TTC34: variants seen among roughly 807,000 people sequenced by gnomAD.
TTC34 encodes tetratricopeptide repeat protein 34.
In TTC34, 44 loss-of-function variants were observed where a neutral mutation model predicts 40.7. The observed-to-expected ratio is 1.08, with a 90% CI of 0.85 to 1.39. TTC34 has a LOEUF of 1.39. Ranked by LOEUF, TTC34 falls within the 40% of genes most tolerant of loss-of-function variation. The probability of loss-of-function intolerance (pLI) is 0.00; values close to 1 mark genes in which losing one functional copy is unlikely to be tolerated. For missense variants in TTC34, 884 were observed against 838.0 expected (o/e 1.05, Z -0.68); for synonymous variants, 422 against 398.6 (o/e 1.06, Z -0.70).
intron 6 of TTC34, among the ~76,000 whole-genome samples, chr1:2,765,708 ATG>A (rs1641767527): frequency 6.1e-4 from 18 of 29,502 alleles, no homozygotes; most frequent in South Asian, 4.0e-3. Flanking sequence ...CTGGAGCAGC[ATG>A]CACACCCCCA....
At position 2,645,303 on chromosome 1, in the gene TTC34, G is replaced by A. The variant is rs1241852445; in HGVS notation, c.2487C>T (p.Leu829=). 6.7e-7 allele frequency: 1 copy of A among 1,493,764 alleles called. No individual in the cohort carries two copies. The highest frequency in any genetic ancestry group is 8.9e-7 in the Non-Finnish European group (1 of 1,124,014). The allele number at this position is 1,493,764 out of a possible 1,614,324, so 92.5% of individuals were successfully genotyped here. A position where few individuals can be genotyped will look rare whatever the true frequency, so the allele number is the denominator to read the frequency against. Residue 829 remains leucine (L), a synonymous_variant, in exon 7 of 9, where the codon CTC becomes CTT. Transcript: ENST00000401095. This position sits in a 1 kb window ranked among gnomAD's most constrained non-coding sequence, Gnocchi z 4.7. ...GGGGCCGCCGCATACCCTGTGCCAT[G>A]AGAATGTCTGCCAGGAGGAGGTGCC...
exon 9 of TTC34, chr1:2,639,049 C>G (rs947901697): frequency 5.3e-5 from 8 of 152,246 alleles, no homozygotes; most frequent in South Asian, 2.1e-4. Context: ...CTTGGGAGAA[C>G]TCTGGGGTCT....
chr1:2,795,134 C>T (rs898119113), intron 2 of TTC34, among the ~76,000 whole-genome samples: 5 of 152,030 alleles, frequency 3.3e-5, no homozygotes, highest in African/African-American at 9.7e-5. Context: ...ACCTATAGTC[C>T]CAGCTACTTG....
chr1:2,651,045 A>G (rs983857033), intron 6 of TTC34, among the ~76,000 whole-genome samples: 1 of 148,040 alleles, frequency 6.8e-6, no homozygotes, highest in Non-Finnish European at 1.5e-5. Flanking sequence ...GGGGCATCTG[A>G]CAGCCTAGAA....
At chr1:2,754,002 A>G (rs1380937971) in intron 6 of TTC34, among the ~76,000 whole-genome samples, 1 of 33,642 alleles carries the variant, frequency 3.0e-5, no homozygotes, top group African/African-American at 2.5e-4. Flanking sequence ...CTGTACGCAC[A>G]GAGCAGCACC....
intron 6 of TTC34, among the ~76,000 whole-genome samples, chr1:2,660,828 A>T (rs1366391105): frequency 2.1e-3 from 18 of 8,406 alleles, no homozygotes; most frequent in Non-Finnish European, 2.7e-3. Context: ...AACAGCACCC[A>T]CATCCCCAGG....
Position 2,752,716 on chromosome 1 carries a change from T to C in TTC34, c.2226+30893A>G, listed in dbSNP as rs1406781138. 1.2e-4 allele frequency among the ~76,000 whole-genome samples: 16 copies of C among 131,518 alleles called. 3 individuals are homozygous for C. The highest frequency in any genetic ancestry group is 4.6e-4 in the African/African-American group (15 of 32,526). The allele number at this position is 131,518 out of a possible 152,430, so 86.3% of individuals were successfully genotyped here. On this transcript the variant is annotated intron_variant, in intron 6 of 8. Coordinates refer to ENST00000401095, the Ensembl canonical transcript of TTC34. ...ACGCCCAGATGAGCATCTGACAGCA[T>C]GGAACAGCACCCTGCACCCCCAGGA... is the stretch of plus-strand genomic sequence containing the variant.
chr1:2,693,704 C>A (rs1180474061), intron 6 of TTC34, among the ~76,000 whole-genome samples: 1 of 70,898 alleles, frequency 1.4e-5, no homozygotes, highest in East Asian at 3.4e-4. Context: ...GGAGCACCCA[C>A]ACCCCCAGGC....
rs1333911284 is a variant in TTC34, at chr1:2,675,166, G to A, written c.2227-29603C>T. On this transcript the variant is annotated intron_variant, in intron 6 of 8. Coordinates refer to ENST00000401095, the Ensembl canonical transcript of TTC34. ...GCCCGTAGCAGCACCCACACCCCCA[G>A]GGGAGCATCTGACATCCTGGAGCAG... is the stretch of plus-strand genomic sequence containing the variant. 6.0e-4 allele frequency among the ~76,000 whole-genome samples: 88 copies of A among 146,314 alleles called. 2 individuals carry two copies. The highest frequency in any genetic ancestry group is 9.7e-4 in the Non-Finnish European group (64 of 66,044).
At chr1:2,790,150 C>T (rs1569970262) in exon 3 of TTC34, 7 of 398,268 alleles carry the variant, frequency 1.8e-5, no homozygotes, top group Non-Finnish European at 2.7e-5. Flanking sequence ...GGGCGAAGCC[C>T]ACGTCCGCGG....
At chr1:2,759,685 G>GTGAGCATGTAA (rs1641628899) in intron 6 of TTC34, among the ~76,000 whole-genome samples, 1 of 142,836 alleles carries the variant, frequency 7.0e-6, no homozygotes, top group Non-Finnish European at 1.5e-5. Context: ...ACAACCCCAG[G>GTGAGCATGTAA]CTTGCATCCG....
At chr1:2,655,016 C>T (rs79751248) in intron 6 of TTC34, among the ~76,000 whole-genome samples, 1,904 of 130,762 alleles carry the variant, frequency 0.015, no homozygotes, top group South Asian at 0.041. Context: ...CTCACAACCC[C>T]AGGTGAGCAT....
chr1:2,748,825 C>A (rs1169073726), intron 6 of TTC34, among the ~76,000 whole-genome samples: 1 of 4,782 alleles, frequency 2.1e-4, no homozygotes. Context: ...CTGACAGCCT[C>A]GGTCGGCACC....
chr1:2,645,329 A>G lies in TTC34; in HGVS notation c.2461T>C (p.Trp821Arg), dbSNP rs1638997911. 2 of 1,514,794 alleles carry G rather than the reference A, an allele frequency of 1.3e-6. No individual in the cohort carries two copies. The highest frequency in any genetic ancestry group is 1.8e-6 in the Non-Finnish European group (2 of 1,134,186). The allele number at this position is 1,514,794 out of a possible 1,614,324, so 93.8% of individuals were successfully genotyped here. A position where few individuals can be genotyped will look rare whatever the true frequency, so the allele number is the denominator to read the frequency against. ...AGAATGTCTGCCAGGAGGAGGTGCC[A>G]GTGCGGTTGCCCTGAGTCGATTTTG... The change falls in exon 7 of 9, where the codon TGG becomes CGG. Residue 821 changes from tryptophan to arginine, a missense_variant. Trp to Arg is a moderately radical substitution (Grantham distance 101). Coordinates refer to ENST00000401095, the Ensembl canonical transcript of TTC34. This position sits in a 1 kb window ranked among gnomAD's most constrained non-coding sequence, Gnocchi z 4.7.
chr1:2,797,362 G>A (rs1251963062), intron 2 of TTC34, among the ~76,000 whole-genome samples: 1 of 152,174 alleles, frequency 6.6e-6, no homozygotes, highest in Non-Finnish European at 1.5e-5. Flanking sequence ...GGACACTCAC[G>A]CCAGGGAGGT....
chr1:2,683,952 A>C (rs1284529374), intron 6 of TTC34, among the ~76,000 whole-genome samples: 3 of 135,522 alleles, frequency 2.2e-5, no homozygotes, highest in African/African-American at 8.9e-5. Flanking sequence ...CAGTACCCAC[A>C]CCCACAGTTG....
intron 6 of TTC34, among the ~76,000 whole-genome samples, chr1:2,685,924 A>T (rs1463994163): frequency 6.4e-5 from 7 of 109,046 alleles, no homozygotes; most frequent in African/African-American, 4.3e-5. Context: ...GCACACCCCC[A>T]GGTGAGCATG....
At position 2,645,556 on chromosome 1, in the gene TTC34, A is replaced by T. The variant is rs946383713; in HGVS notation, c.2234T>A (p.Val745Glu). 6 of 574,724 alleles carry T rather than the reference A, an allele frequency of 1.0e-5. No homozygotes were observed. Among genetic ancestry groups the T allele is most frequent in the Admixed American group, 7.0e-5 (1 of 14,198 alleles). 35.6% of individuals were successfully genotyped at this position (574,724 alleles called of 1,614,324 possible). ...CTTCAGAGCAGAGACGATGTCGTCC[A>T]CGGCTTCCTGCAAGGAGGGAGGGCG... Residue 745 changes from valine to glutamate, a missense_variant, in exon 7 of 9, where the codon GTG (valine) becomes GAG (glutamate). Transcript: ENST00000401095. This position sits in a 1 kb window ranked among gnomAD's most constrained non-coding sequence, Gnocchi z 4.7.
At position 2,793,461 on chromosome 1, in the gene TTC34, C is replaced by G. The variant is rs534691263; in HGVS notation, c.785-3115G>C. ...CGTCTTTATTTTCTATAGTTATGGG[C>G]AAAATAGAAGTTTTAAATTTTAGTT... On this transcript the variant is annotated intron_variant, in intron 2 of 8. Coordinates refer to ENST00000401095, the Ensembl canonical transcript of TTC34. Among the ~76,000 whole-genome samples the G allele has an allele frequency of 2.0e-5, 3 of 152,126 alleles. No individual in the cohort carries two copies. The East Asian group carries it at 5.8e-4, about 29-fold the overall frequency.
Sources: allele counts gnomAD v4.1 joint callset (sites outside exome capture counted in the v4.1 genomes callset), GRCh38; gene constraint gnomAD v4.1.1; non-coding constraint Gnocchi (gnomAD v3.1); transcripts MANE v1.5; gene names NCBI Gene and HGNC (gene_info 2026-07-23, HGNC 2026-07-21).